Variants in SLC30A8 observed in about 807,000 individuals in gnomAD.
The protein encoded by SLC30A8 is solute carrier family 30 member 8.
Under a neutral mutation model 36.9 loss-of-function variants are expected in SLC30A8, and 27 were observed. The observed-to-expected ratio is 0.73, with a 90% CI of 0.54 to 1.01. The LOEUF is 1.01. Among genes scored for constraint, SLC30A8 ranks in the 50% least tolerant of loss-of-function variants. The pLI is 0.00. For missense variants in SLC30A8, 439 were observed against 452.0 expected, an observed-to-expected ratio of 0.97 and a Z score of 0.26; for synonymous variants, 164 against 172.4, an observed-to-expected ratio of 0.95 and a Z score of 0.38.
chr8:117,164,750 C>T (rs1258383781), intron 6 of SLC30A8, among the ~76,000 whole-genome samples: 2 of 152,006 alleles, frequency 1.3e-5, no homozygotes, highest in African/African-American at 4.8e-5. Context: ...GCCAGTGGTC[C>T]CAGAGGCTTT....
intron 2 of SLC30A8, among the ~76,000 whole-genome samples, chr8:117,105,407 A>G (rs973359620): frequency 5.3e-5 from 8 of 152,136 alleles, no homozygotes; most frequent in African/African-American, 1.2e-4. Context: ...TAAAATCTCT[A>G]TCAGCGAGGG....
At chr8:117,080,362 A>C (rs1256310418) in intron 2 of SLC30A8, among the ~76,000 whole-genome samples, 2 of 151,878 alleles carry the variant, frequency 1.3e-5, no homozygotes, top group Non-Finnish European at 2.9e-5. Context: ...TCGGGGATAC[A>C]CACGTATCCC....
intron 1 of SLC30A8, among the ~76,000 whole-genome samples, chr8:116,969,483 G>A (rs1438315333): frequency 6.6e-6 from 1 of 152,136 alleles, no homozygotes; most frequent in Non-Finnish European, 1.5e-5. Context: ...AAAAAATGAA[G>A]TAACTTCGTA....
At chr8:117,054,913 A>G (rs979700265) in intron 2 of SLC30A8, among the ~76,000 whole-genome samples, 4 of 152,082 alleles carry the variant, frequency 2.6e-5, no homozygotes, top group Admixed American at 2.6e-4. Flanking sequence ...TTCTCTGAAA[A>G]TATGTATTTT....
chr8:117,109,548 C>G (rs111419788), intron 2 of SLC30A8, among the ~76,000 whole-genome samples: 48 of 151,998 alleles, frequency 3.2e-4, no homozygotes, highest in African/African-American at 1.1e-3. Flanking sequence ...AGGAAAAAAA[C>G]AAGAGAAGGA....
chr8:117,049,549 C>T (rs1817646783), intron 2 of SLC30A8, among the ~76,000 whole-genome samples: 1 of 152,338 alleles, frequency 6.6e-6, no homozygotes, highest in Non-Finnish European at 1.5e-5. Flanking sequence ...TCATCACTTT[C>T]AGAGCCCTCA....
chr8:117,133,185 C>G (rs1821205564), upstream of SLC30A8, among the ~76,000 whole-genome samples: 1 of 151,888 alleles, frequency 6.6e-6, no homozygotes, highest in African/African-American at 2.4e-5. Context: ...ATCTTATAGA[C>G]AAATAGAAGA....
chr8:117,084,143 C>G (rs1563585129), intron 2 of SLC30A8, among the ~76,000 whole-genome samples: 1 of 152,112 alleles, frequency 6.6e-6, no homozygotes, highest in Non-Finnish European at 1.5e-5. Context: ...TACAACAAGG[C>G]TCCTTATTTT....
intron 1 of SLC30A8, among the ~76,000 whole-genome samples, chr8:117,015,166 A>G (rs1024967210): frequency 1.3e-5 from 2 of 152,188 alleles, no homozygotes; most frequent in Non-Finnish European, 2.9e-5. Context: ...GGATCTTTCT[A>G]TCAACCATAA....
At chr8:116,964,007 A>G (rs987909116) in intron 1 of SLC30A8, among the ~76,000 whole-genome samples, 1 of 152,252 alleles carries the variant, frequency 6.6e-6, no homozygotes, top group Admixed American at 6.5e-5. Context: ...AGCAGCCTTT[A>G]TATAAATTAA....
At chr8:117,055,488 C>CG (rs951051991) in intron 2 of SLC30A8, among the ~76,000 whole-genome samples, 2 of 152,306 alleles carry the variant, frequency 1.3e-5, no homozygotes, top group African/African-American at 4.8e-5. Flanking sequence ...CTAGGACCAG[C>CG]GGGGGCCCTT....
chr8:116,951,798 T>G (rs1814001279), intron 1 of SLC30A8, among the ~76,000 whole-genome samples: 2 of 152,146 alleles, frequency 1.3e-5, no homozygotes, highest in Non-Finnish European at 2.9e-5. Context: ...GTTCTAGGTA[T>G]GTGTTGAGCA....
intron 1 of SLC30A8, among the ~76,000 whole-genome samples, chr8:116,982,309 A>G (rs1815296227): frequency 6.6e-6 from 1 of 152,006 alleles, no homozygotes; most frequent in Non-Finnish European, 1.5e-5. Context: ...GAATATTCAT[A>G]CACAGTAAGT....
At chr8:116,990,778 G>A (rs1370920121) in intron 1 of SLC30A8, among the ~76,000 whole-genome samples, 1 of 152,158 alleles carries the variant, frequency 6.6e-6, no homozygotes, top group Non-Finnish European at 1.5e-5. Context: ...TAACACAGGG[G>A]AAACTGGGTG....
chr8:117,136,695 T>A (rs933152328), intron 1 of SLC30A8, among the ~76,000 whole-genome samples: 2 of 151,904 alleles, frequency 1.3e-5, no homozygotes, highest in Admixed American at 1.3e-4. Context: ...CAGGCAGAAG[T>A]TTTGGACAAA....
At chr8:117,069,842 G>C (rs1186409092) in intron 2 of SLC30A8, among the ~76,000 whole-genome samples, 1 of 152,232 alleles carries the variant, frequency 6.6e-6, no homozygotes, top group Non-Finnish European at 1.5e-5. Context: ...TGGCAGTGCA[G>C]TCTGCCTATG....
intron 1 of SLC30A8, among the ~76,000 whole-genome samples, chr8:117,017,031 C>T (rs1308779740): frequency 1.3e-5 from 2 of 151,960 alleles, no homozygotes; most frequent in East Asian, 3.9e-4. Flanking sequence ...TATCCTGGCT[C>T]TGATGCTTGA....
chr8:117,077,858 T>G (rs889797722), intron 2 of SLC30A8, among the ~76,000 whole-genome samples: 2 of 152,234 alleles, frequency 1.3e-5, no homozygotes, highest in African/African-American at 4.8e-5. Context: ...TGCAAAACTA[T>G]GTTAAGAAGA....
intron 1 of SLC30A8, among the ~76,000 whole-genome samples, chr8:117,008,372 A>G (rs552704318): frequency 1.3e-5 from 2 of 152,334 alleles, no homozygotes; most frequent in Non-Finnish European, 2.9e-5. Flanking sequence ...TAACTTTAAC[A>G]GGAGAGAATC....
Sources: allele counts gnomAD v4.1 joint callset (sites outside exome capture counted in the v4.1 genomes callset), GRCh38; gene constraint gnomAD v4.1.1; transcripts MANE v1.5; gene names NCBI Gene and HGNC (gene_info 2026-07-23, HGNC 2026-07-21).